The following BAIAP2 variants were observed in gnomAD, a reference collection of about 807,000 sequenced individuals.
BAIAP2 encodes BAR/IMD domain-containing adapter protein 2.
Under a neutral mutation model 63.0 loss-of-function variants are expected in BAIAP2, and 18 were observed. That is an observed-to-expected ratio of 0.29 (90% CI 0.20 to 0.42). BAIAP2 has a LOEUF of 0.42. Ranked by LOEUF, BAIAP2 falls within the 10% of genes least tolerant of loss-of-function variation. The pLI, the probability that BAIAP2 is intolerant of heterozygous loss-of-function variation, is 1.00. For synonymous variants in BAIAP2, 386 were observed against 307.6 expected (o/e 1.25, Z -2.67); for missense variants, 610 against 734.3 (o/e 0.83, Z 1.96).
rs1340750642 is a variant in BAIAP2, at chr17:81,116,316, A to G, written c.*477A>G. Reference sequence around the variant, plus strand: ...CTGGCTGGAAGATGAACTTCCCGTAAGCACGTAATTCCCTGCAGGTCCGGC... The same window carrying G: ...CTGGCTGGAAGATGAACTTCCCGTAGGCACGTAATTCCCTGCAGGTCCGGC... On this transcript the variant is annotated 3_prime_UTR_variant, in exon 14 of 14. Transcript: ENST00000428708. 1 of 1,612,764 alleles carries G rather than the reference A, an allele frequency of 6.2e-7. No homozygotes were observed. Among genetic ancestry groups the G allele is most frequent in the East Asian group, 2.2e-5 (1 of 44,888 alleles).
At chr17:81,068,383 T>G (rs543673562) in intron 3 of BAIAP2, among the ~76,000 whole-genome samples, 1 of 152,332 alleles carries the variant, frequency 6.6e-6, no homozygotes, top group Admixed American at 6.5e-5. Flanking sequence ...TCTGAATGGC[T>G]TCTGTCCCCT....
intron 1 of BAIAP2, among the ~76,000 whole-genome samples, chr17:81,045,224 A>T (rs1292561311): frequency 6.6e-6 from 1 of 152,134 alleles, no homozygotes; most frequent in African/African-American, 2.4e-5. Flanking sequence ...GCCAGGGGAA[A>T]GCTCGCAGAG....
rs147193572 is a variant in BAIAP2 at position 81,049,009 on chromosome 17, C to A, written c.55-4659C>A. ...CTTCATAGGCAGGCCGGCCCAGGACCCCCCCTGGGGTGGGAAAGGTGTTCC... is the reference window on the plus strand; with the variant it reads ...CTTCATAGGCAGGCCGGCCCAGGACACCCCCTGGGGTGGGAAAGGTGTTCC... On this transcript the variant is annotated intron_variant, in intron 1 of 13. Coordinates refer to ENST00000428708, the MANE Select transcript of BAIAP2 (RefSeq NM_001144888.2). Among the ~76,000 whole-genome samples the A allele has an allele frequency of 4.1e-3, 618 of 152,308 alleles. 3 individuals are homozygous for A. Among genetic ancestry groups the A allele is most frequent in the Non-Finnish European group, 6.1e-3 (415 of 68,014 alleles).
chr17:81,089,962 C>G (rs1265188513), intron 6 of BAIAP2, among the ~76,000 whole-genome samples: 1 of 152,158 alleles, frequency 6.6e-6, no homozygotes, highest in East Asian at 1.9e-4. Context: ...AGGGCCCCTC[C>G]TGGGAGATGT....
rs150564313 is a variant in BAIAP2 at position 81,065,987 on chromosome 17, T to C, written c.217+8020T>C. Among the ~76,000 whole-genome samples, 19 of 152,360 alleles carry C rather than the reference T, an allele frequency of 1.2e-4. No individual in the cohort carries two copies. The East Asian group carries it at 3.5e-3, about 28-fold the overall frequency. On this transcript the variant is annotated intron_variant, in intron 3 of 13. Coordinates refer to ENST00000428708, the MANE Select transcript of BAIAP2 (RefSeq NM_001144888.2). ...CGCAGCCCTCCCCAGCAGAGAGCAC[T>C]GCACTTCCTTTGTGTGGTCAGACCC...
chr17:81,036,839 A>T, intron 1 of BAIAP2: 1 of 1,521,964 alleles, frequency 6.6e-7, no homozygotes, highest in Non-Finnish European at 8.8e-7. Context: ...CATTAGCTCC[A>T]TTACGACTTG....
chr17:81,039,977 C>T (rs2046857817), intron 1 of BAIAP2, among the ~76,000 whole-genome samples: 2 of 152,308 alleles, frequency 1.3e-5, no homozygotes, highest in Admixed American at 1.3e-4. Flanking sequence ...AGCGTCACTG[C>T]AGGAGTGGCA....
In BAIAP2 at chr17:81,110,272, T is replaced by G. The variant is rs4072588; in HGVS notation, c.1535+1763T>G. 740,528 of 985,700 alleles carry G rather than the reference T, an allele frequency of 0.75. 278,789 individuals carry two copies. The highest frequency in any genetic ancestry group is 0.86 in the East Asian group (7,574 of 8,776). The allele number at this position is 985,700 out of a possible 1,614,324, so 61.1% of individuals were successfully genotyped here. On this transcript the variant is annotated intron_variant, in intron 13 of 13. Transcript: ENST00000428708. Reference sequence around the variant, plus strand: ...CGGACCGCGTGACATTAAGGAGAGCTCAAGGGCGGACCGGGCCCTGTGTAG... The same window carrying G: ...CGGACCGCGTGACATTAAGGAGAGCGCAAGGGCGGACCGGGCCCTGTGTAG...
At chr17:81,036,013 G>C (rs753295311) in intron 1 of BAIAP2, 1 of 152,270 alleles carries the variant, frequency 6.6e-6, no homozygotes, top group South Asian at 2.1e-4. Flanking sequence ...CTTTGCTTCA[G>C]ATGTGTTAAG....
At chr17:81,058,094 T>A in intron 3 of BAIAP2, 127 bp downstream of exon 3, 1 of 761,824 alleles carries the variant, frequency 1.3e-6, no homozygotes, top group Non-Finnish European at 2.0e-6. Flanking sequence ...GGAAAATATT[T>A]TAATGACAGT....
intron 6 of BAIAP2, among the ~76,000 whole-genome samples, chr17:81,090,180 T>C (rs935013530): frequency 2.6e-5 from 4 of 152,202 alleles, no homozygotes; most frequent in African/African-American, 9.6e-5. Flanking sequence ...CTGTCCCTTA[T>C]GGGTCATGTG....
Position 81,104,659 on chromosome 17 carries a change from G to A in BAIAP2, c.1212G>A (p.Leu404=), listed in dbSNP as rs377336256. The part of the protein sequence containing the change: ...LSFKEGDLIT[L]LVPEARDGWH... Reference sequence around the variant, plus strand: ...TCAAGGAGGGTGACCTCATTACCCTGCTGGTGCCTGAGGCCCGCGATGGCT... The same window carrying A: ...TCAAGGAGGGTGACCTCATTACCCTACTGGTGCCTGAGGCCCGCGATGGCT... Residue 404 remains leucine (L), a synonymous_variant, in exon 10 of 14, where the codon CTG becomes CTA. Transcript: ENST00000428708. 2 of 1,608,214 alleles carry A rather than the reference G, an allele frequency of 1.2e-6. No individual in the cohort carries two copies. The highest frequency in any genetic ancestry group is 1.1e-5 in the South Asian group (1 of 90,268).
intron 7 of BAIAP2, among the ~76,000 whole-genome samples, chr17:81,103,269 C>T (rs2058729250): frequency 6.6e-6 from 1 of 152,262 alleles, no homozygotes. Flanking sequence ...TGCTCTCATC[C>T]CTGGAGGTCC....
At chr17:81,047,814 C>T (rs1028616114) in intron 1 of BAIAP2, among the ~76,000 whole-genome samples, 1 of 152,118 alleles carries the variant, frequency 6.6e-6, no homozygotes, top group Admixed American at 6.5e-5. Context: ...CACAGGGGTC[C>T]ACATGCATCT....
At chr17:81,051,258 G>A (rs2048639350) in intron 1 of BAIAP2, among the ~76,000 whole-genome samples, 1 of 152,094 alleles carries the variant, frequency 6.6e-6, no homozygotes, top group African/African-American at 2.4e-5. Flanking sequence ...TAGATCAGAG[G>A]CCTGCGTAGC....
chr17:81,036,210 C>T (rs2046238022), intron 1 of BAIAP2, among the ~76,000 whole-genome samples: 1 of 151,784 alleles, frequency 6.6e-6, no homozygotes, highest in East Asian at 2.0e-4. Context: ...CTGAGCCCGG[C>T]AGCTGCCGGG....
intron 13 of BAIAP2, among the ~76,000 whole-genome samples, chr17:81,112,719 TCTC>T (rs990646475): frequency 6.6e-6 from 1 of 152,208 alleles, no homozygotes; most frequent in African/African-American, 2.4e-5. Context: ...CTCCGTTTCT[TCTC>T]GGAATCCTTC....
intron 1 of BAIAP2, among the ~76,000 whole-genome samples, chr17:81,051,071 C>T (rs927154446): frequency 3.9e-5 from 6 of 151,908 alleles, no homozygotes; most frequent in East Asian, 3.9e-4. Flanking sequence ...ACCCCACTCC[C>T]GGTGTGGCCT....
intron 1 of BAIAP2, among the ~76,000 whole-genome samples, chr17:81,040,014 A>G (rs1001192632): frequency 6.6e-6 from 1 of 151,486 alleles, no homozygotes; most frequent in Non-Finnish European, 1.5e-5. Flanking sequence ...GGACATCACC[A>G]CTTGTCTCCA....
Sources: allele counts gnomAD v4.1 joint callset (sites outside exome capture counted in the v4.1 genomes callset), GRCh38; gene constraint gnomAD v4.1.1; transcripts MANE v1.5; gene names NCBI Gene and HGNC (gene_info 2026-07-23, HGNC 2026-07-21).